DLG2: variants seen among roughly 807,000 people sequenced by gnomAD.
The protein encoded by DLG2 is disks large homolog 2.
DLG2 carries 45 observed loss-of-function variants against 132.5 expected under a neutral mutation model. That is an observed-to-expected ratio of 0.34 (90% CI 0.27 to 0.44). The LOEUF (loss-of-function observed/expected upper bound fraction) is 0.44. Ranked by LOEUF, DLG2 falls within the 20% of genes least tolerant of loss-of-function variation. The pLI, the probability that DLG2 is intolerant of heterozygous loss-of-function variation, is 1.00. For missense variants in DLG2, 1,045 were observed against 1,196.9 expected, an observed-to-expected ratio of 0.87 and a Z score of 1.87; for synonymous variants, 424 against 419.6, an observed-to-expected ratio of 1.01 and a Z score of -0.13.
chr11:83,543,708 A>G (rs2141625768), intron 19 of DLG2, among the ~76,000 whole-genome samples: 2 of 152,294 alleles, frequency 1.3e-5, no homozygotes, highest in Middle Eastern at 6.8e-3. Flanking sequence ...GCACACAGTG[A>G]CAAATAGTAA....
At chr11:85,580,712 C>CA (rs2078457592) in intron 3 of DLG2, among the ~76,000 whole-genome samples, 1 of 152,222 alleles carries the variant, frequency 6.6e-6, no homozygotes, top group Non-Finnish European at 1.5e-5. Context: ...AGCCAGAACA[C>CA]AAACCCAGGC....
chr11:83,897,749 C>A (rs11607390), intron 15 of DLG2, among the ~76,000 whole-genome samples: 44,821 of 151,882 alleles, frequency 0.3, 7,212 homozygotes, highest in African/African-American at 0.41. Context: ...AACAAACAAA[C>A]CCTGTCCTCA....
Position 83,480,791 on chromosome 11 carries a change from C to T in DLG2, c.2293+3338G>A, listed in dbSNP as rs17145266. ...GTGTTTTCTTGACTATAAATTCAGA[C>T]GCTTCTGGTGTGTAGGCAGTGTTTT... On this transcript the variant is annotated intron_variant, in intron 22 of 27. Coordinates refer to ENST00000376104, the MANE Select transcript of DLG2 (RefSeq NM_001142699.3). 0.011 allele frequency: 7,096 copies of T among 626,686 alleles called. 407 individuals carry two copies. In the African/African-American group the frequency reaches 0.12, roughly 10 times the overall value. 38.8% of individuals were successfully genotyped at this position (626,686 alleles called of 1,614,324 possible).
chr11:83,744,554 C>T (rs568574698), intron 18 of DLG2, among the ~76,000 whole-genome samples: 13 of 152,320 alleles, frequency 8.5e-5, no homozygotes, highest in East Asian at 3.9e-4. Context: ...ATTCACTTTA[C>T]GTAGCCACAT....
At chr11:85,464,040 A>G (rs2092703609) in intron 3 of DLG2, among the ~76,000 whole-genome samples, 1 of 147,520 alleles carries the variant, frequency 6.8e-6, no homozygotes, top group South Asian at 2.1e-4. Context: ...CGAGAGAGAG[A>G]GATTGAAAGG....
At chr11:85,026,673 TA>T (rs1290000234) in intron 6 of DLG2, among the ~76,000 whole-genome samples, 1 of 151,818 alleles carries the variant, frequency 6.6e-6, no homozygotes, top group Non-Finnish European at 1.5e-5. Flanking sequence ...CCATCTCTAC[TA>T]AAAACACAAC....
chr11:83,764,037 C>CA (rs1191594858), intron 18 of DLG2, among the ~76,000 whole-genome samples: 1 of 152,176 alleles, frequency 6.6e-6, no homozygotes, highest in Non-Finnish European at 1.5e-5. Context: ...TTTGTTTGAA[C>CA]AAGAGCCTCT....
At chr11:84,762,277 T>C (rs1245913154) in intron 6 of DLG2, 1 of 152,200 alleles carries the variant, frequency 6.6e-6, no homozygotes, top group African/African-American at 2.4e-5. Flanking sequence ...ATTTTTGACA[T>C]CTTAAGTCTT....
intron 15 of DLG2, among the ~76,000 whole-genome samples, chr11:83,898,461 C>T (rs2072421952): frequency 6.6e-6 from 1 of 151,954 alleles, no homozygotes; most frequent in Admixed American, 6.6e-5. Flanking sequence ...ACGACATTTT[C>T]TTCATTTACT....
chr11:84,395,198 G>A (rs574275283), intron 7 of DLG2, among the ~76,000 whole-genome samples: 12 of 150,326 alleles, frequency 8.0e-5, no homozygotes, highest in Admixed American at 4.0e-4. Flanking sequence ...TCAGCTGGGC[G>A]GTTTTTACAA....
At chr11:84,402,104 T>C (rs1347849867) in intron 7 of DLG2, among the ~76,000 whole-genome samples, 3 of 152,186 alleles carry the variant, frequency 2.0e-5, no homozygotes, top group Admixed American at 2.0e-4. Context: ...TCTAATCCAA[T>C]GGCTTAATCA....
intron 4 of DLG2, among the ~76,000 whole-genome samples, chr11:85,268,392 G>A (rs1389073906): frequency 1.3e-5 from 2 of 152,036 alleles, no homozygotes; most frequent in Admixed American, 1.3e-4. Flanking sequence ...TCTTCACATT[G>A]ACCTGCCTTT....
At chr11:83,875,079 A>C (rs1297155268) in intron 15 of DLG2, among the ~76,000 whole-genome samples, 1 of 152,154 alleles carries the variant, frequency 6.6e-6, no homozygotes, top group African/African-American at 2.4e-5. Context: ...ATATTTAGTT[A>C]GTATAGATGT....
intron 3 of DLG2, among the ~76,000 whole-genome samples, chr11:85,325,111 A>G (rs1338183640): frequency 3.7e-5 from 5 of 134,202 alleles, no homozygotes; most frequent in African/African-American, 1.1e-4. Flanking sequence ...CACCTGGCTC[A>G]GAGGGTCCTA....
intron 1 of DLG2, among the ~76,000 whole-genome samples, chr11:85,627,009 C>T (rs149369008): frequency 5.3e-4 from 80 of 152,216 alleles, no homozygotes; most frequent in African/African-American, 1.7e-3. Context: ...AGACAGGTCT[C>T]ATTACTTTAT....
intron 3 of DLG2, among the ~76,000 whole-genome samples, chr11:85,500,387 G>A (rs1181745764): frequency 1.7e-5 from 2 of 116,606 alleles, no homozygotes; most frequent in Non-Finnish European, 3.3e-5. Context: ...TCTGGGGACT[G>A]TGGTGGGGTC....
At chr11:84,680,689 G>T (rs1034321443) in intron 6 of DLG2, among the ~76,000 whole-genome samples, 8 of 152,104 alleles carry the variant, frequency 5.3e-5, no homozygotes, top group Non-Finnish European at 8.8e-5. Flanking sequence ...CTAGCTGAGT[G>T]TCTTTGGACA....
chr11:84,107,123 G>A (rs528050868), intron 9 of DLG2, among the ~76,000 whole-genome samples: 46 of 151,872 alleles, frequency 3.0e-4, no homozygotes, highest in African/African-American at 1.0e-3. Context: ...CATCTCTTTA[G>A]TCTAAAGGAA....
At chr11:85,322,972 C>T (rs2081184478) in intron 3 of DLG2, among the ~76,000 whole-genome samples, 1 of 152,214 alleles carries the variant, frequency 6.6e-6, no homozygotes, top group African/African-American at 2.4e-5. Flanking sequence ...ATGATGCACA[C>T]ACAACCCCCA....
Sources: gnomAD v4.1 joint callset for allele counts (sites outside exome capture counted in the v4.1 genomes callset) on GRCh38, gnomAD v4.1.1 for gene constraint, MANE v1.5 for transcripts, NCBI Gene and HGNC (gene_info 2026-07-23, HGNC 2026-07-21) for gene names.